The following UPRT variants were observed in gnomAD, a reference collection of about 807,000 sequenced individuals.
UPRT encodes the protein RP11-311P8.3.
In UPRT, 5 loss-of-function variants were observed where a neutral mutation model predicts 22.6. The observed-to-expected ratio is 0.22, with a 90% CI of 0.12 to 0.47. UPRT has a LOEUF of 0.47. Ranked by LOEUF, UPRT falls within the 20% of genes least tolerant of loss-of-function variation. The pLI is 0.99. For missense variants in UPRT, 181 were observed against 239.9 expected (o/e 0.75, Z 1.62); for synonymous variants, 77 against 87.7 (o/e 0.88, Z 0.68).
intron 4 of UPRT, among the ~76,000 whole-genome samples, chrX:75,172,622 G>A (rs1204849417): frequency 9.0e-6 from 1 of 111,684 alleles, no homozygotes; most frequent in Non-Finnish European, 1.9e-5. Context: ...AGCTCTTAAG[G>A]TGGTGCCTCT....
chrX:75,183,497 C>A (rs1164934564), intron 4 of UPRT, among the ~76,000 whole-genome samples: 1 of 112,015 alleles, frequency 8.9e-6, no homozygotes, highest in Non-Finnish European at 1.9e-5. Context: ...GTGCATGTGC[C>A]TTTATAGCAG....
intron 1 of UPRT, chrX:75,291,340 G>A (rs1351421247): frequency 3.4e-6 from 1 of 296,766 alleles, no homozygotes; most frequent in African/African-American, 2.8e-5. Context: ...TTTTACATTA[G>A]ACTTTATTTG....
chrX:75,205,321 G>A (rs1156272114), intron 4 of UPRT, among the ~76,000 whole-genome samples: 1 of 95,868 alleles, frequency 1.0e-5, no homozygotes, highest in African/African-American at 3.8e-5. Flanking sequence ...AGTGAGCCGA[G>A]ATTGCGCCAC....
intron 4 of UPRT, among the ~76,000 whole-genome samples, chrX:75,267,440 G>C (rs2082593965): frequency 8.9e-6 from 1 of 111,756 alleles, no homozygotes. Flanking sequence ...GTGTGTGAAG[G>C]TGGGAGGGAT....
At chrX:75,294,467 A>C (rs1048443654) in intron 2 of UPRT, 1 of 632,435 alleles carries the variant, frequency 1.6e-6, no homozygotes, top group African/African-American at 2.4e-5. Flanking sequence ...TGGGAAAGAA[A>C]GGAATGAACA....
intron 4 of UPRT, among the ~76,000 whole-genome samples, chrX:75,259,627 C>T (rs1190646097): frequency 4.5e-5 from 5 of 110,687 alleles, no homozygotes; most frequent in African/African-American, 1.6e-4. Flanking sequence ...ACCAAATCTA[C>T]ATTTAATTGG....
chrX:75,207,824 G>T lies in UPRT; in HGVS notation c.-447+39945G>T, dbSNP rs186765106. Reference sequence around the variant, plus strand: ...TGAGAGGTATGCAGTGGCTTGTGGGGCATTGCCATATGTTTGGCAGAGTAG... The same window carrying T: ...TGAGAGGTATGCAGTGGCTTGTGGGTCATTGCCATATGTTTGGCAGAGTAG... On this transcript the variant is annotated intron_variant, in intron 4 of 13. Coordinates refer to the UPRT transcript ENST00000652605. 3.1e-3 allele frequency among the ~76,000 whole-genome samples: 346 copies of T among 111,731 alleles called. 2 individuals carry two copies. The highest frequency in any genetic ancestry group is 0.011 in the African/African-American group (329 of 30,738).
intron 4 of UPRT, among the ~76,000 whole-genome samples, chrX:75,234,365 T>C (rs1250241720): frequency 2.7e-5 from 3 of 110,752 alleles, no homozygotes; most frequent in Non-Finnish European, 5.7e-5. Flanking sequence ...CTGTCAACAT[T>C]AGACAGATCA....
chrX:75,213,271 T>G (rs2082384516), intron 4 of UPRT, among the ~76,000 whole-genome samples: 1 of 112,241 alleles, frequency 8.9e-6, no homozygotes, highest in Non-Finnish European at 1.9e-5. Context: ...GCATCTGAAT[T>G]TATTGCGAGA....
chrX:75,186,939 T>G (rs769691570), intron 4 of UPRT, among the ~76,000 whole-genome samples: 2,793 of 111,466 alleles, frequency 0.025, 110 homozygotes, highest in African/African-American at 0.088. Context: ...ATGGGTTTCC[T>G]GAATACAGCA....
At chrX:75,162,272 C>T (rs775898258) in intron 2 of UPRT, among the ~76,000 whole-genome samples, 1 of 110,738 alleles carries the variant, frequency 9.0e-6, no homozygotes, top group African/African-American at 3.3e-5. Context: ...AATTTCAAGT[C>T]TCTTGAAGAT....
At chrX:75,209,151 A>G (rs1251223851) in intron 4 of UPRT, among the ~76,000 whole-genome samples, 1 of 111,033 alleles carries the variant, frequency 9.0e-6, no homozygotes, top group African/African-American at 3.3e-5. Flanking sequence ...TAGAGATAGA[A>G]GAACTAAGAG....
intron 1 of UPRT, chrX:75,291,398 T>C (rs1235219018): frequency 3.1e-6 from 1 of 323,536 alleles, no homozygotes; most frequent in Non-Finnish European, 6.0e-6. Flanking sequence ...CAAAGCTTTT[T>C]TTCCAGTAGG....
In UPRT at chrX:75,289,041, A is replaced by G. The variant is rs201459411; in HGVS notation, c.387-4431A>G. Among the ~76,000 whole-genome samples, 9 of 111,554 alleles carry G rather than the reference A, an allele frequency of 8.1e-5. No homozygotes were observed. The East Asian group carries it at 2.3e-3, about 28-fold the overall frequency. On this transcript the variant is annotated intron_variant, in intron 1 of 6. Transcript: ENST00000373383. ...AAATCAGTAGTATTTATATACACCA[A>G]TGATATTCAAGCTGAGAGCCAAATC...
chrX:75,257,796 C>A (rs980765401), intron 4 of UPRT, among the ~76,000 whole-genome samples: 7 of 111,229 alleles, frequency 6.3e-5, no homozygotes, highest in African/African-American at 2.3e-4. Context: ...GATTTGCTTG[C>A]AAGATGGCCA....
chrX:75,236,579 T>G (rs2082465314), intron 4 of UPRT, among the ~76,000 whole-genome samples: 1 of 111,852 alleles, frequency 8.9e-6, no homozygotes, highest in Non-Finnish European at 1.9e-5. Context: ...CAAAACAGTA[T>G]GATACTGGTA....
At chrX:75,173,659 T>A (rs1248039414) in intron 4 of UPRT, among the ~76,000 whole-genome samples, 1 of 112,070 alleles carries the variant, frequency 8.9e-6, no homozygotes, top group Non-Finnish European at 1.9e-5. Context: ...GAAGTGCTCG[T>A]CGGGGAGGCT....
chrX:75,254,900 C>T (rs963455290), intron 4 of UPRT, among the ~76,000 whole-genome samples: 5 of 109,449 alleles, frequency 4.6e-5, no homozygotes, highest in African/African-American at 1.3e-4. Context: ...CTCAGCCTCC[C>T]GAGTAGCTGG....
intron 4 of UPRT, among the ~76,000 whole-genome samples, chrX:75,249,563 G>A (rs758530346): frequency 2.8e-4 from 31 of 111,397 alleles, no homozygotes; most frequent in African/African-American, 9.8e-4. Flanking sequence ...CATAAAGCAA[G>A]TCCTTAGTGA....
Sources: gnomAD v4.1 joint callset for allele counts (sites outside exome capture counted in the v4.1 genomes callset) on GRCh38, gnomAD v4.1.1 for gene constraint, MANE v1.5 for transcripts, NCBI Gene and HGNC (gene_info 2026-07-23, HGNC 2026-07-21) for gene names.